Variants in LRRTM4 observed in about 807,000 individuals in gnomAD.
The protein encoded by LRRTM4 is leucine-rich repeat transmembrane neuronal protein 4.
LRRTM4 carries 25 observed loss-of-function variants against 47.6 expected under a neutral mutation model. That is an observed-to-expected ratio of 0.53 (90% CI 0.38 to 0.73). LRRTM4 has a LOEUF of 0.73. Among genes scored for constraint, LRRTM4 ranks in the 30% least tolerant of loss-of-function variants. LRRTM4 has a pLI of 0.00. For missense variants in LRRTM4, 638 were observed against 713.4 expected, an observed-to-expected ratio of 0.89 and a Z score of 1.20; for synonymous variants, 311 against 269.5, an observed-to-expected ratio of 1.15 and a Z score of -1.51.
At chr2:77,328,639 C>A (rs1670865266) in intron 3 of LRRTM4, among the ~76,000 whole-genome samples, 1 of 152,170 alleles carries the variant, frequency 6.6e-6, no homozygotes, top group Admixed American at 6.5e-5. Context: ...TTTATACATT[C>A]ATGTGCAAAA....
At chr2:77,217,954 A>G (rs2103939633) in intron 3 of LRRTM4, among the ~76,000 whole-genome samples, 1 of 152,228 alleles carries the variant, frequency 6.6e-6, no homozygotes, top group East Asian at 1.9e-4. Context: ...GTTTCAATAA[A>G]TATTCATTAA....
intron 3 of LRRTM4, among the ~76,000 whole-genome samples, chr2:77,392,397 T>C (rs547899850): frequency 6.0e-4 from 91 of 152,152 alleles, no homozygotes; most frequent in Middle Eastern, 3.4e-3. Flanking sequence ...TCATGAGCTA[T>C]GACCCTTAAC....
chr2:76,807,422 ATACATATATATATACG>A (rs1670530585), intron 3 of LRRTM4, among the ~76,000 whole-genome samples: 2 of 87,220 alleles, frequency 2.3e-5, no homozygotes, highest in African/African-American at 5.9e-5. Context: ...ATATATATAT[ATACATATATATATACG>A]TATATACATA....
intron 3 of LRRTM4, among the ~76,000 whole-genome samples, chr2:77,438,562 A>C (rs1005606212): frequency 2.7e-5 from 4 of 150,912 alleles, no homozygotes; most frequent in African/African-American, 9.8e-5. Context: ...GCCTGCCACC[A>C]CTCCAGGCTG....
At chr2:76,832,088 C>T (rs184036380) in intron 3 of LRRTM4, among the ~76,000 whole-genome samples, 1 of 152,140 alleles carries the variant, frequency 6.6e-6, no homozygotes, top group East Asian at 1.9e-4. Context: ...TTAATGTAGG[C>T]TCCTACTTTC....
intron 3 of LRRTM4, among the ~76,000 whole-genome samples, chr2:77,174,650 T>G (rs1379468531): frequency 6.6e-6 from 1 of 150,836 alleles, no homozygotes; most frequent in African/African-American, 2.5e-5. Context: ...GTTTTTTTTG[T>G]TTGTTTTTTT....
rs537819646 is a variant in LRRTM4, at chr2:77,030,671, T to G, written c.1552-281755A>C. 3.3e-5 allele frequency among the ~76,000 whole-genome samples: 5 copies of G among 151,792 alleles called. No individual in the cohort carries two copies. The South Asian group carries it at 1.0e-3, about 31-fold the overall frequency. On this transcript the variant is annotated intron_variant, in intron 3 of 3. Coordinates refer to ENST00000409884, the MANE Select transcript of LRRTM4 (RefSeq NM_001134745.3). The stretch of plus-strand genomic sequence containing the variant: ...AAAAGACTCCTTGATAAAGAACAAT[T>G]TAATTCTTTATGAAAATGAACTTAG...
intron 3 of LRRTM4, among the ~76,000 whole-genome samples, chr2:77,003,182 A>G (rs928301957): frequency 1.3e-5 from 2 of 148,826 alleles, no homozygotes; most frequent in Admixed American, 1.3e-4. Context: ...CTTATTTGTT[A>G]TTTTCTTCCT....
At chr2:76,867,593 A>G (rs1485766310) in intron 3 of LRRTM4, among the ~76,000 whole-genome samples, 3 of 152,326 alleles carry the variant, frequency 2.0e-5, no homozygotes, top group African/African-American at 7.2e-5. Context: ...TTGAAGAGAT[A>G]CTTGCCATTA....
chr2:77,409,161 T>A (rs143614875), intron 3 of LRRTM4, among the ~76,000 whole-genome samples: 12 of 152,312 alleles, frequency 7.9e-5, no homozygotes, highest in African/African-American at 2.9e-4. Context: ...TATAACTAAA[T>A]ATAATAATAT....
At chr2:77,023,818 A>T (rs958547124) in intron 3 of LRRTM4, among the ~76,000 whole-genome samples, 1 of 151,858 alleles carries the variant, frequency 6.6e-6, no homozygotes, top group Non-Finnish European at 1.5e-5. Context: ...AACTGTTCCA[A>T]CCTCTGCCTG....
intron 3 of LRRTM4, among the ~76,000 whole-genome samples, chr2:77,038,725 A>G (rs546859669): frequency 2.0e-5 from 3 of 151,666 alleles, no homozygotes; most frequent in African/African-American, 7.2e-5. Context: ...TAGAAATTCA[A>G]TTAAGAGGTT....
chr2:77,046,896 A>G (rs1679253633), intron 3 of LRRTM4, among the ~76,000 whole-genome samples: 1 of 152,018 alleles, frequency 6.6e-6, no homozygotes, highest in African/African-American at 2.4e-5. Flanking sequence ...TGGCTGGATA[A>G]AAGAAAGGGA....
At chr2:77,215,839 C>G (rs554301448) in intron 3 of LRRTM4, among the ~76,000 whole-genome samples, 1 of 152,120 alleles carries the variant, frequency 6.6e-6, no homozygotes, top group Non-Finnish European at 1.5e-5. Flanking sequence ...GAGATTTTAA[C>G]GTCTCAGTCT....
chr2:77,028,378 T>C (rs184261355), intron 3 of LRRTM4, among the ~76,000 whole-genome samples: 23 of 152,250 alleles, frequency 1.5e-4, no homozygotes, highest in African/African-American at 5.1e-4. Flanking sequence ...AGGAAAAATG[T>C]TGAGTTGAGA....
At chr2:77,506,068 C>G (rs1310918961) in intron 3 of LRRTM4, among the ~76,000 whole-genome samples, 1 of 151,498 alleles carries the variant, frequency 6.6e-6, no homozygotes, top group African/African-American at 2.4e-5. Flanking sequence ...ATTTATAAAA[C>G]TTAAAATATA....
chr2:76,765,496 A>C (rs905997534), intron 3 of LRRTM4, among the ~76,000 whole-genome samples: 4 of 152,196 alleles, frequency 2.6e-5, no homozygotes, highest in African/African-American at 9.7e-5. Flanking sequence ...TAAGGTAGTA[A>C]CTAAGGCTAA....
At chr2:77,212,224 A>C (rs1226243508) in intron 3 of LRRTM4, among the ~76,000 whole-genome samples, 1 of 151,982 alleles carries the variant, frequency 6.6e-6, no homozygotes, top group Admixed American at 6.6e-5. Context: ...TTAACAAAAT[A>C]CTATGTTATT....
intron 3 of LRRTM4, among the ~76,000 whole-genome samples, chr2:76,798,938 C>G (rs1424814090): frequency 6.6e-6 from 1 of 150,466 alleles, no homozygotes. Context: ...ATAACAGGAG[C>G]TGAAATTGTG....
Sources: gnomAD v4.1 joint callset for allele counts (sites outside exome capture counted in the v4.1 genomes callset) on GRCh38, gnomAD v4.1.1 for gene constraint, MANE v1.5 for transcripts, NCBI Gene and HGNC (gene_info 2026-07-23, HGNC 2026-07-21) for gene names.